Variants in ZNF630 observed in about 807,000 individuals in gnomAD.
ZNF630 encodes zinc finger protein 630, also known as dJ54B20.2 (novel KRAB box containing C2H2 type zinc finger protein).
Under a neutral mutation model 7.2 loss-of-function variants are expected in ZNF630, and 5 were observed. That is an observed-to-expected ratio of 0.70 (90% CI 0.36 to 1.46). The LOEUF is 1.46. ZNF630 is among the 40% of genes most tolerant of loss of function. The pLI is 0.03. For synonymous variants in ZNF630, 158 were observed against 162.8 expected, an observed-to-expected ratio of 0.97 and a Z score of 0.23; for missense variants, 461 against 477.0, an observed-to-expected ratio of 0.97 and a Z score of 0.31.
chrX:48,069,017 A>T (rs782528092), intron 1 of ZNF630, among the ~76,000 whole-genome samples: 1 of 110,837 alleles, frequency 9.0e-6, no homozygotes, highest in Admixed American at 9.6e-5. Context: ...AGGCAAGAGG[A>T]TTGCTTGAGT....
chrX:48,064,561 C>G (rs2059121193), intron 2 of ZNF630, among the ~76,000 whole-genome samples: 1 of 111,840 alleles, frequency 8.9e-6, no homozygotes, highest in South Asian at 3.7e-4. Context: ...CTCCCGGGCT[C>G]AAGTGATTCT....
chrX:48,060,775 T>C, intron 3 of ZNF630, 44 bp downstream of exon 3: 2 of 1,155,483 alleles, frequency 1.7e-6, no homozygotes, highest in Non-Finnish European at 2.3e-6. Flanking sequence ...AAAGGAAGGA[T>C]GAGGAGGATT....
At position 48,059,069 on chromosome X, in the gene ZNF630, G is replaced by C. The variant is rs149811887; in HGVS notation, c.1373C>G (p.Pro458Arg). The part of the protein sequence containing the change: ...GHQRIHTGEK[P>R]YVCTDCGKAF... The stretch of plus-strand genomic sequence containing the variant: ...CTTCCCACAGTCAGTACACACATAA[G>C]GTTTTTCTCCTGTATGAATTCTTTG... Residue 458 changes from proline to arginine, a missense_variant, in exon 5 of 5, where the codon CCT (proline) becomes CGT (arginine). Pro to Arg is a moderately radical substitution (Grantham distance 103, BLOSUM62 -2). Transcript: ENST00000276054. The C allele has an allele frequency of 8.3e-6, 10 of 1,206,820 alleles. No individual in the cohort carries two copies. The African/African-American group carries it at 1.8e-4, about 21-fold the overall frequency.
chrX:48,062,292 C>T (rs4824432), intron 2 of ZNF630, among the ~76,000 whole-genome samples: 36,927 of 111,650 alleles, frequency 0.33, 5,078 homozygotes, highest in Non-Finnish European at 0.43. Flanking sequence ...CATAAACATT[C>T]ACTTATGTGA....
intron 2 of ZNF630, among the ~76,000 whole-genome samples, chrX:48,065,756 A>G (rs1355534185): frequency 9.0e-6 from 1 of 111,432 alleles, no homozygotes; most frequent in African/African-American, 3.3e-5. Flanking sequence ...TAAAGAGAAT[A>G]CTTTCCAACA....
intron 1 of ZNF630, among the ~76,000 whole-genome samples, chrX:48,070,821 AGGAGCAGAGATTTT>A (rs1429369874): frequency 0.33 from 35,497 of 107,993 alleles, 5,054 homozygotes; most frequent in South Asian, 0.44. Context: ...TGGACACCAC[AGGAGCAGAGATTTT>A]TGTTCATTCA....
rs782173070 is a variant in ZNF630 at position 48,057,541 on chromosome X, A to G, written c.*927T>C. On this transcript the variant is annotated 3_prime_UTR_variant, in exon 5 of 5. Transcript: ENST00000276054. ...TGAGGGAGAGTAAAAGAAATAAAAT[A>G]TTAGCATTTATTTACCTAATTGAGG... Among the ~76,000 whole-genome samples, 2 of 111,454 alleles carry G rather than the reference A, an allele frequency of 1.8e-5. No homozygotes were observed. The highest frequency in any genetic ancestry group is 3.8e-5 in the Non-Finnish European group (2 of 53,103).
rs868983759 is a variant in ZNF630 at position 48,058,577 on chromosome X, G to A, written c.1865C>T (p.Thr622Ile). 1.7e-6 allele frequency: 2 copies of A among 1,208,143 alleles called. No homozygotes were observed. Among genetic ancestry groups the A allele is most frequent in the Middle Eastern group, 2.3e-4 (1 of 4,337 alleles). Reference protein sequence around the residue: ...SQMITYQRRHTGEKPSRCSDC... With the variant: ...SQMITYQRRHIGEKPSRCSDC... ...ACTGCATCTGGAGGGTTTCTCCCCA[G>A]TGTGTCTTCTCTGATATGTAATCAT... The change falls in exon 5 of 5, where the codon ACT becomes ATT. Residue 622 changes from threonine (T) to isoleucine (I), a missense_variant. By Grantham distance (89) the Thr-to-Ile change is moderately conservative. Coordinates refer to ENST00000276054, the MANE Select transcript of ZNF630 (RefSeq NM_001282201.2).
At chrX:48,070,664 G>C (rs939740090) in intron 1 of ZNF630, among the ~76,000 whole-genome samples, 1 of 102,095 alleles carries the variant, frequency 9.8e-6, no homozygotes, top group African/African-American at 3.6e-5. Flanking sequence ...AAAGGGCAGA[G>C]AGTCCAACAG....
chrX:48,065,305 C>T (rs1556909864), intron 2 of ZNF630, among the ~76,000 whole-genome samples: 1 of 109,875 alleles, frequency 9.1e-6, no homozygotes, highest in African/African-American at 3.3e-5. Flanking sequence ...AATTCGAGAC[C>T]AGCCTGCCCA....
Position 48,071,561 on chromosome X carries a change from T to C in ZNF630, c.-470A>G, listed in dbSNP as rs970237177. 1 of 110,874 alleles carries C rather than the reference T, an allele frequency of 9.0e-6. No individual in the cohort carries two copies. Among genetic ancestry groups the C allele is most frequent in the Non-Finnish European group, 1.9e-5 (1 of 52,903 alleles). 9.1% of individuals were successfully genotyped at this position (110,874 alleles called of 1,213,427 possible). A position where few individuals can be genotyped will look rare whatever the true frequency, so the allele number is the denominator to read the frequency against. ...GGGGCCCGGGGGAGTCCTCGTGATA[T>C]CTCCGAGTTTGGGTATTCGGAATTG... On this transcript the variant is annotated 5_prime_UTR_variant, in exon 1 of 5. Transcript: ENST00000276054.
chrX:48,060,061 T>C lies in ZNF630; in HGVS notation c.381A>G (p.Arg127=). 1 of 1,204,588 alleles carries C rather than the reference T, an allele frequency of 8.3e-7. No individual in the cohort carries two copies. Among genetic ancestry groups the C allele is most frequent in the South Asian group, 1.8e-5 (1 of 56,311 alleles). Residue 127 remains arginine (R), a synonymous_variant, in exon 5 of 5, where the codon AGA becomes AGG. Transcript: ENST00000276054. ...KIWHIDNQMD[R]YQGNQDRVLR... Reference sequence around the variant, plus strand: ...AAACTCTGTCTTGATTTCCTTGATATCTATCCATCTGATTATCAATATGCC... The same window carrying C: ...AAACTCTGTCTTGATTTCCTTGATACCTATCCATCTGATTATCAATATGCC...
Position 48,058,901 on chromosome X carries a change from G to A in ZNF630, c.1541C>T (p.Pro514Leu). The change falls in exon 5 of 5, where the codon CCT becomes CTT. Residue 514 changes from proline to leucine, a missense_variant. By Grantham distance (98) the Pro-to-Leu change is moderately conservative. Transcript: ENST00000276054. ...IHQRIHTGEK[P>L]YQCGECGKTF... Reference sequence around the variant, plus strand: ...TTTGCCACATTCACCACACTGATAAGGTTTCTCCCCTGTATGAATTCTCTG... The same window carrying A: ...TTTGCCACATTCACCACACTGATAAAGTTTCTCCCCTGTATGAATTCTCTG... The A allele has an allele frequency of 8.3e-7, 1 of 1,208,423 alleles. No homozygotes were observed. The highest frequency in any genetic ancestry group is 1.7e-5 in the African/African-American group (1 of 57,325).
chrX:48,064,299 C>G (rs1401969971), intron 2 of ZNF630, among the ~76,000 whole-genome samples: 2 of 111,056 alleles, frequency 1.8e-5, no homozygotes, highest in African/African-American at 6.6e-5. Context: ...TTTTTACAGC[C>G]CATCAACAAG....
At chrX:48,069,845 T>G (rs1287647074) in intron 1 of ZNF630, among the ~76,000 whole-genome samples, 5,344 of 43,277 alleles carry the variant, frequency 0.12, 164 homozygotes, top group African/African-American at 0.17. Context: ...TTGTCTGTTT[T>G]TTTTTTTTTT....
chrX:48,060,499 T>C lies in ZNF630; in HGVS notation c.189A>G (p.Gly63=). 8.3e-7 allele frequency: 1 copy of C among 1,206,823 alleles called. No individual in the cohort carries two copies. Among genetic ancestry groups the C allele is most frequent in the South Asian group, 1.8e-5 (1 of 56,649 alleles). ...KPDVIFKLEH[G]KDPWIIESEL... Reference sequence around the variant, plus strand: ...CACTCTCTATGATCCATGGGTCCTTTCCATGTTCCAACTTAAAGATTACAT... The same window carrying C: ...CACTCTCTATGATCCATGGGTCCTTCCCATGTTCCAACTTAAAGATTACAT... The change falls in exon 4 of 5, where the codon GGA becomes GGG. Residue 63 remains glycine (G), a synonymous_variant. Coordinates refer to ENST00000276054, the MANE Select transcript of ZNF630 (RefSeq NM_001282201.2).
chrX:48,061,974 T>C (rs1296520443), intron 2 of ZNF630, among the ~76,000 whole-genome samples: 1 of 111,926 alleles, frequency 8.9e-6, no homozygotes, highest in African/African-American at 3.3e-5. Flanking sequence ...AAAATGCAAA[T>C]GTTTTTTAAA....
chrX:48,071,602 T>C lies in ZNF630; in HGVS notation c.-511A>G, dbSNP rs1188437405. ...TTCGGAATTGATCCTACGAAAGCAG[T>C]GTGAGGCTTGGAAGGGCCGCGACTT... On this transcript the variant is annotated 5_prime_UTR_variant, in exon 1 of 5. Coordinates refer to ENST00000276054, the MANE Select transcript of ZNF630 (RefSeq NM_001282201.2). The C allele has an allele frequency of 4.5e-5, 5 of 110,525 alleles. No individual in the cohort carries two copies. The highest frequency in any genetic ancestry group is 1.3e-4 in the African/African-American group (4 of 30,226). 9.1% of individuals were successfully genotyped at this position (110,525 alleles called of 1,213,427 possible). A position where few individuals can be genotyped will look rare whatever the true frequency, so the allele number is the denominator to read the frequency against.
rs539617645 is a variant in ZNF630, at chrX:48,066,058, G to C, written c.15+814C>G. Among the ~76,000 whole-genome samples the C allele has an allele frequency of 3.6e-5, 4 of 111,205 alleles. No individual in the cohort carries two copies. In the South Asian group the frequency reaches 1.5e-3, roughly 41 times the overall value. On this transcript the variant is annotated intron_variant, in intron 2 of 4. Coordinates refer to ENST00000276054, the MANE Select transcript of ZNF630 (RefSeq NM_001282201.2). The stretch of plus-strand genomic sequence containing the variant: ...AGGCAAGAAAAGAAAGTAGCAGAAC[G>C]GAATAGAAACAGTGTGTGTATTTTT...
Sources: allele counts gnomAD v4.1 joint callset (sites outside exome capture counted in the v4.1 genomes callset), GRCh38; gene constraint gnomAD v4.1.1; transcripts MANE v1.5; gene names NCBI Gene and HGNC (gene_info 2026-07-23, HGNC 2026-07-21).